Variants in USP8 observed in about 807,000 individuals in gnomAD.
USP8 encodes the protein ubiquitin specific peptidase 8.
Under a neutral mutation model 130.0 loss-of-function variants are expected in USP8, and 27 were observed. The observed-to-expected ratio is 0.21, with a 90% CI of 0.15 to 0.29. USP8 has a LOEUF of 0.29. Among genes scored for constraint, USP8 ranks in the 10% least tolerant of loss-of-function variants. The probability of loss-of-function intolerance (pLI) is 1.00; values close to 1 mark genes in which losing one functional copy is unlikely to be tolerated. For synonymous variants in USP8, 392 were observed against 444.1 expected (o/e 0.88, Z 1.48); for missense variants, 1,029 against 1,312.2 (o/e 0.78, Z 3.33).
At chr15:50,440,784 C>T (rs138359160) in intron 2 of USP8, among the ~76,000 whole-genome samples, 126 of 152,080 alleles carry the variant, frequency 8.3e-4, no homozygotes, top group African/African-American at 2.8e-3. Context: ...GGGAGGATCA[C>T]TTGAGGTCAG....
chr15:50,496,480 TAAA>T (rs35899607), intron 17 of USP8, among the ~76,000 whole-genome samples: 22 of 116,494 alleles, frequency 1.9e-4, no homozygotes, highest in African/African-American at 3.0e-4. Flanking sequence ...GACTCCGTCT[TAAA>T]AAAAAAAAAA....
chr15:50,500,864 A>G lies in USP8; in HGVS notation c.*1776A>G, dbSNP rs1250436060. On this transcript the variant is annotated 3_prime_UTR_variant, in exon 20 of 20. Coordinates refer to ENST00000307179, the MANE Select transcript of USP8 (RefSeq NM_005154.5). ...TATGGGAGAAAGGAATGTCAAACTT[A>G]GTATTCACATATGAACACTAACTAC... is the stretch of plus-strand genomic sequence containing the variant. 4.5e-6 allele frequency: 7 copies of G among 1,549,898 alleles called. No individual in the cohort carries two copies. The highest frequency in any genetic ancestry group is 4.4e-6 in the Non-Finnish European group (5 of 1,141,280).
chr15:50,486,215 G>C (rs2051955843), intron 12 of USP8, among the ~76,000 whole-genome samples: 1 of 152,170 alleles, frequency 6.6e-6, no homozygotes, highest in Admixed American at 6.5e-5. Context: ...GGGTATGGTT[G>C]CTCCTGCCTG....
chr15:50,477,568 A>G, intron 10 of USP8, 69 bp downstream of exon 10: 1 of 1,410,580 alleles, frequency 7.1e-7, no homozygotes, highest in Non-Finnish European at 9.7e-7. Flanking sequence ...AGCTGGGCAC[A>G]GTGCCTCACG....
In USP8 at chr15:50,503,344, T is replaced by G. The variant is rs1487465061; in HGVS notation, c.*4256T>G. On this transcript the variant is annotated 3_prime_UTR_variant, in exon 20 of 20. Transcript: ENST00000307179. ...TGGGCGGAGCCCTAAACAGGAAATT[T>G]AACAACAGTATGGTGTGTGGTTTAT... 6.6e-6 allele frequency: 1 copy of G among 152,340 alleles called. No individual in the cohort carries two copies. Among genetic ancestry groups the G allele is most frequent in the Non-Finnish European group, 1.5e-5 (1 of 68,144 alleles). 9.4% of individuals were successfully genotyped at this position (152,340 alleles called of 1,614,324 possible).
At chr15:50,446,644 C>T (rs2050449780) in intron 3 of USP8, among the ~76,000 whole-genome samples, 1 of 152,302 alleles carries the variant, frequency 6.6e-6, no homozygotes, top group Non-Finnish European at 1.5e-5. Context: ...CGATATTGAA[C>T]AAACTGTACA....
chr15:50,445,661 C>A (rs866793662), intron 3 of USP8, among the ~76,000 whole-genome samples: 2 of 150,012 alleles, frequency 1.3e-5, no homozygotes, highest in Non-Finnish European at 3.0e-5. Flanking sequence ...ACCAGCCTGG[C>A]CAACATGGTG....
chr15:50,438,188 C>G (rs1260198017), intron 1 of USP8, among the ~76,000 whole-genome samples: 1 of 152,176 alleles, frequency 6.6e-6, no homozygotes, highest in Non-Finnish European at 1.5e-5. Context: ...CTTCCCATCC[C>G]CTGCTCCAAG....
intron 4 of USP8, among the ~76,000 whole-genome samples, chr15:50,452,678 TATTA>T (rs1229885717): frequency 6.6e-6 from 1 of 152,160 alleles, no homozygotes; most frequent in East Asian, 1.9e-4. Context: ...GTTTTTTTCT[TATTA>T]ATTGTGTGAG....
intron 1 of USP8, among the ~76,000 whole-genome samples, chr15:50,434,687 A>G (rs149709025): frequency 0.011 from 1,620 of 150,002 alleles, 30 homozygotes; most frequent in African/African-American, 0.037. Flanking sequence ...TGCAATCTCC[A>G]CTCACTGCAA....
At chr15:50,483,546 G>A (rs1386422775) in intron 11 of USP8, among the ~76,000 whole-genome samples, 1 of 152,222 alleles carries the variant, frequency 6.6e-6, no homozygotes, top group Non-Finnish European at 1.5e-5. Flanking sequence ...TATAATCCCA[G>A]CACTTTGGGA....
rs968019023 is a variant in USP8, at chr15:50,507,482, C to G, written c.*8394C>G. 2.0e-5 allele frequency: 3 copies of G among 152,102 alleles called. No individual in the cohort carries two copies. The highest frequency in any genetic ancestry group is 6.5e-5 in the Admixed American group (1 of 15,272). 9.4% of individuals were successfully genotyped at this position (152,102 alleles called of 1,614,324 possible). ...AGAGAAAGCTGAAGTAGCTATACAT[C>G]AGCTAAAATGGTCCCTAAGATAGAA... is the stretch of plus-strand genomic sequence containing the variant. On this transcript the variant is annotated 3_prime_UTR_variant, in exon 20 of 20. Coordinates refer to ENST00000307179, the MANE Select transcript of USP8 (RefSeq NM_005154.5).
chr15:50,456,793 G>A (rs1348539000), intron 4 of USP8, among the ~76,000 whole-genome samples: 1 of 152,194 alleles, frequency 6.6e-6, no homozygotes, highest in Non-Finnish European at 1.5e-5. Context: ...GGCTGAGGCA[G>A]GAGAATTGCT....
chr15:50,434,081 C>T (rs2050019674), intron 1 of USP8, among the ~76,000 whole-genome samples: 4 of 150,880 alleles, frequency 2.7e-5, no homozygotes, highest in Admixed American at 2.0e-4. Context: ...TTTTCACTTG[C>T]AATCCTTCTT....
Position 50,496,002 on chromosome 15 carries a change from C to T in USP8, c.2813C>T (p.Thr938Ile). ...TTCAAATCTACAGTACAGTGCCTCA[C>T]ATGTCACAAAAAGTCTAGGACATTT... ...GQFKSTVQCLTCHKKSRTFEA... is the reference protein window; with the variant it reads ...GQFKSTVQCLICHKKSRTFEA... The change falls in exon 17 of 20, where the codon ACA becomes ATA. Residue 938 changes from threonine to isoleucine, a missense_variant. This residue lies in a region of USP8 where 257 missense variants were observed against 429.8 expected (regional missense o/e 0.60). Transcript: ENST00000307179. 2 of 1,614,002 alleles carry T rather than the reference C, an allele frequency of 1.2e-6. No homozygotes were observed. Among genetic ancestry groups the T allele is most frequent in the Non-Finnish European group, 1.7e-6 (2 of 1,180,022 alleles).
In USP8 at chr15:50,500,669, T is replaced by C. The variant is rs1185093059; in HGVS notation, c.*1581T>C. ...TTTCCTGGCTCTTAACGCTTTTGTATTGGTATGGAAAAGGGCTGGCAGCTA... is the reference window on the plus strand; with the variant it reads ...TTTCCTGGCTCTTAACGCTTTTGTACTGGTATGGAAAAGGGCTGGCAGCTA... On this transcript the variant is annotated 3_prime_UTR_variant, in exon 20 of 20. Coordinates refer to ENST00000307179, the MANE Select transcript of USP8 (RefSeq NM_005154.5). 8.7e-7 allele frequency: 1 copy of C among 1,154,018 alleles called. No individual in the cohort carries two copies. The highest frequency in any genetic ancestry group is 1.3e-6 in the Non-Finnish European group (1 of 791,930). The allele number at this position is 1,154,018 out of a possible 1,614,324, so 71.5% of individuals were successfully genotyped here.
At chr15:50,457,672 G>GA (rs3076988) in intron 4 of USP8, among the ~76,000 whole-genome samples, 2,330 of 151,448 alleles carry the variant, frequency 0.015, 61 homozygotes, top group African/African-American at 0.054. Flanking sequence ...AGACAAGCCT[G>GA]GCCACATGGT....
intron 15 of USP8, chr15:50,493,590 C>G: frequency 4.3e-6 from 2 of 462,996 alleles, no homozygotes; most frequent in South Asian, 3.2e-5. Flanking sequence ...TCCGTCTCTA[C>G]AAAAATTAGC....
At chr15:50,497,572 CTTAG>C (rs1381697243) in intron 18 of USP8, 1 of 169,326 alleles carries the variant, frequency 5.9e-6, no homozygotes, top group Non-Finnish European at 1.3e-5. Flanking sequence ...GCATAACAGA[CTTAG>C]TTATGTGTTA....
Sources: gnomAD v4.1 joint callset for allele counts (sites outside exome capture counted in the v4.1 genomes callset) on GRCh38, gnomAD v4.1.1 for gene constraint, gnomAD v4.1.1 regional missense constraint, MANE v1.5 for transcripts, NCBI Gene and HGNC (gene_info 2026-07-23, HGNC 2026-07-21) for gene names.